The following HHLA2 variants were observed in gnomAD, a reference collection of about 807,000 sequenced individuals.
HHLA2 encodes the protein HERV-H LTR-associating protein 2.
In HHLA2, 48 loss-of-function variants were observed where a neutral mutation model predicts 45.9. The ratio of observed to expected loss-of-function variants is 1.05; its 90% confidence interval spans 0.83 to 1.33. The LOEUF (loss-of-function observed/expected upper bound fraction) is 1.33, where lower values mean the gene tolerates loss of function less well. Among genes scored for constraint, HHLA2 ranks in the 40% most tolerant of loss-of-function variants. The pLI, the probability that HHLA2 is intolerant of heterozygous loss-of-function variation, is 0.00. For synonymous variants in HHLA2, 161 were observed against 173.9 expected (o/e 0.93, Z 0.59); for missense variants, 462 against 494.3 (o/e 0.93, Z 0.62).
exon 6 of HHLA2, chr3:108,355,372 A>C: frequency 6.2e-7 from 1 of 1,612,810 alleles, no homozygotes; most frequent in Non-Finnish European, 8.5e-7. Context: ...AGGGCGCTGG[A>C]CGATGAAAGG....
intron 2 of HHLA2, among the ~76,000 whole-genome samples, chr3:108,327,971 A>T (rs2081316053): frequency 6.6e-6 from 1 of 152,206 alleles, no homozygotes; most frequent in South Asian, 2.1e-4. Flanking sequence ...TGTCCCTACT[A>T]AAAATACAAA....
Position 108,351,771 on chromosome 3 carries a change from T to C in HHLA2, c.-26-17T>C. 1 of 1,560,890 alleles carries C rather than the reference T, an allele frequency of 6.4e-7. No individual in the cohort carries two copies. The highest frequency in any genetic ancestry group is 1.7e-5 in the Admixed American group (1 of 59,048). ...ATTTTAAATCCATAACATGTGCACT[T>C]TACTTCTCTTTGATAGCATGACTAA... On this transcript the variant is annotated splice_polypyrimidine_tract_variant and intron_variant, in intron 3 of 10. Coordinates refer to ENST00000619531, the Ensembl canonical transcript of HHLA2.
chr3:108,366,103 T>C (rs2082059297), intron 8 of HHLA2, among the ~76,000 whole-genome samples: 1 of 152,246 alleles, frequency 6.6e-6, no homozygotes, highest in South Asian at 2.1e-4. Flanking sequence ...CAGTATGATA[T>C]TGGCTATGGG....
At position 108,353,419 on chromosome 3, in the gene HHLA2, G is replaced by A; in HGVS notation, c.65-8G>A. The A allele has an allele frequency of 5.2e-6, 8 of 1,527,912 alleles. No individual in the cohort carries two copies. The East Asian group carries it at 1.4e-4, about 27-fold the overall frequency. 94.6% of individuals were successfully genotyped at this position (1,527,912 alleles called of 1,614,324 possible). On this transcript the variant is annotated splice_polypyrimidine_tract_variant and splice_region_variant and intron_variant, in intron 4 of 10. Coordinates refer to ENST00000619531, the Ensembl canonical transcript of HHLA2. Reference sequence around the variant, plus strand: ...TTCTCTTTATAACTTCTCTGCTCTTGACTGTAGGCATATTCCCTTTGGCTT... The same window carrying A: ...TTCTCTTTATAACTTCTCTGCTCTTAACTGTAGGCATATTCCCTTTGGCTT...
intron 8 of HHLA2, among the ~76,000 whole-genome samples, chr3:108,366,892 T>C (rs1024663528): frequency 6.6e-6 from 1 of 152,206 alleles, no homozygotes; most frequent in African/African-American, 2.4e-5. Context: ...TAGCAGTCTA[T>C]CTATTTTGTT....
At chr3:108,312,851 A>T (rs2081043015) in intron 2 of HHLA2, among the ~76,000 whole-genome samples, 1 of 152,310 alleles carries the variant, frequency 6.6e-6, no homozygotes. Flanking sequence ...AGTATATTTT[A>T]CAGAGGGAAT....
chr3:108,310,030 A>T (rs1034812368), intron 1 of HHLA2, among the ~76,000 whole-genome samples: 1 of 152,300 alleles, frequency 6.6e-6, no homozygotes, highest in Non-Finnish European at 1.5e-5. Context: ...TTTGCTGCTT[A>T]AAATTTCTAG....
intron 3 of HHLA2, among the ~76,000 whole-genome samples, chr3:108,336,111 G>A (rs973706498): frequency 6.6e-6 from 1 of 152,068 alleles, no homozygotes; most frequent in African/African-American, 2.4e-5. Context: ...AATTGGCTAT[G>A]AGGGGAGTTA....
intron 1 of HHLA2, among the ~76,000 whole-genome samples, chr3:108,299,327 AT>A (rs1245337752): frequency 1.4e-5 from 2 of 144,622 alleles, no homozygotes; most frequent in African/African-American, 2.5e-5. Flanking sequence ...CCCAGAAAAA[AT>A]ATATATATAT....
chr3:108,314,001 A>G (rs971306419), intron 2 of HHLA2, among the ~76,000 whole-genome samples: 8 of 152,234 alleles, frequency 5.3e-5, no homozygotes, highest in African/African-American at 1.9e-4. Context: ...GGGGACTATG[A>G]TCAATTTACA....
chr3:108,302,754 G>A (rs1394147828), intron 1 of HHLA2: 2 of 152,216 alleles, frequency 1.3e-5, no homozygotes, highest in Non-Finnish European at 2.9e-5. Context: ...TAACTCACAG[G>A]AGAGATTATG....
intron 8 of HHLA2, among the ~76,000 whole-genome samples, chr3:108,366,664 G>A (rs1425016731): frequency 6.6e-6 from 1 of 152,170 alleles, no homozygotes; most frequent in East Asian, 1.9e-4. Context: ...ACTTGTTATT[G>A]GTTTATTCAG....
intron 8 of HHLA2, among the ~76,000 whole-genome samples, chr3:108,367,726 A>G (rs1415848170): frequency 6.6e-6 from 1 of 152,096 alleles, no homozygotes; most frequent in Admixed American, 6.6e-5. Flanking sequence ...CAAACCGGTG[A>G]TTGATTGGGG....
chr3:108,361,563 AAAG>A (rs1484929733), intron 7 of HHLA2, among the ~76,000 whole-genome samples: 1 of 152,202 alleles, frequency 6.6e-6, no homozygotes, highest in Non-Finnish European at 1.5e-5. Flanking sequence ...CAAGAGGAAA[AAAG>A]AGCCTATGTC....
At chr3:108,301,889 C>T (rs941753878) in intron 1 of HHLA2, among the ~76,000 whole-genome samples, 55 of 152,076 alleles carry the variant, frequency 3.6e-4, no homozygotes, top group African/African-American at 1.0e-3. Flanking sequence ...TCGAGTGACT[C>T]GCATTTACCA....
chr3:108,310,133 T>C (rs2080994574), intron 1 of HHLA2, among the ~76,000 whole-genome samples: 1 of 152,126 alleles, frequency 6.6e-6, no homozygotes, highest in Non-Finnish European at 1.5e-5. Flanking sequence ...TTTCTCCTCC[T>C]CATGACTCCC....
intron 2 of HHLA2, among the ~76,000 whole-genome samples, chr3:108,317,506 T>C (rs960384395): frequency 1.3e-5 from 2 of 152,162 alleles, no homozygotes; most frequent in African/African-American, 2.4e-5. Flanking sequence ...GATGTAAGTT[T>C]ACTAATAGAA....
intron 1 of HHLA2, among the ~76,000 whole-genome samples, chr3:108,310,048 G>A (rs1009765524): frequency 6.6e-6 from 1 of 151,868 alleles, no homozygotes; most frequent in Non-Finnish European, 1.5e-5. Context: ...TAGCTGCTTT[G>A]GTCATTACAG....
At chr3:108,344,640 G>A (rs2081631019) in intron 3 of HHLA2, among the ~76,000 whole-genome samples, 1 of 152,180 alleles carries the variant, frequency 6.6e-6, no homozygotes, top group Non-Finnish European at 1.5e-5. Context: ...AGAGAAAAAG[G>A]TGACTAAGAA....
Sources: gnomAD v4.1 joint callset for allele counts (sites outside exome capture counted in the v4.1 genomes callset) on GRCh38, gnomAD v4.1.1 for gene constraint, MANE v1.5 for transcripts, NCBI Gene and HGNC (gene_info 2026-07-23, HGNC 2026-07-21) for gene names.